The following KCNIP1 variants were observed in gnomAD, a reference collection of about 807,000 sequenced individuals.
KCNIP1 encodes the protein A-type potassium channel modulatory protein KCNIP1.
A neutral mutation model predicts 33.0 loss-of-function variants in KCNIP1; 18 were observed. The ratio of observed to expected loss-of-function variants is 0.55; its 90% CI spans 0.38 to 0.81. The LOEUF (loss-of-function observed/expected upper bound fraction) is 0.81, where lower values mean the gene tolerates loss of function less well. KCNIP1 is among the 30% of genes least tolerant of loss of function. The probability of loss-of-function intolerance (pLI) is 0.00; values close to 1 mark genes in which losing one functional copy is unlikely to be tolerated. For missense variants in KCNIP1, 238 were observed against 271.6 expected (o/e 0.88, Z 0.87); for synonymous variants, 93 against 98.3 (o/e 0.95, Z 0.32).
chr5:170,420,803 T>G (rs767560974), intron 1 of KCNIP1, among the ~76,000 whole-genome samples: 136 of 135,824 alleles, frequency 1.0e-3, no homozygotes, highest in Non-Finnish European at 1.9e-3. Flanking sequence ...ATACTGCGTC[T>G]TCTTCTTCTC....
intron 7 of KCNIP1, among the ~76,000 whole-genome samples, chr5:170,734,254 GA>G (rs5873236): frequency 0.75 from 113,745 of 151,760 alleles, 42,723 homozygotes; most frequent in East Asian, 0.86. Context: ...CAGCTGGGGG[GA>G]AAAAAACCTA....
At chr5:170,637,104 T>C (rs537047264) in intron 1 of KCNIP1, among the ~76,000 whole-genome samples, 1 of 152,182 alleles carries the variant, frequency 6.6e-6, no homozygotes, top group East Asian at 1.9e-4. Context: ...ATCAGAAATG[T>C]CATCTTTATG....
intron 1 of KCNIP1, among the ~76,000 whole-genome samples, chr5:170,525,276 G>A (rs1430116396): frequency 2.6e-5 from 4 of 152,178 alleles, no homozygotes; most frequent in African/African-American, 7.2e-5. Flanking sequence ...CCCTACTCCC[G>A]CACTTAGTAG....
chr5:170,722,919 G>T (rs1373388658), intron 5 of KCNIP1, 99 bp downstream of exon 5: 1 of 731,970 alleles, frequency 1.4e-6, no homozygotes, highest in Admixed American at 2.6e-5. Context: ...GTCTGAATGA[G>T]GCAGGCTCTG....
chr5:170,469,101 A>C (rs1040030838), intron 1 of KCNIP1, among the ~76,000 whole-genome samples: 3 of 152,204 alleles, frequency 2.0e-5, no homozygotes, highest in Non-Finnish European at 2.9e-5. Context: ...TTTGTGCTTA[A>C]CAAGATAACT....
At chr5:170,562,390 C>T (rs1334930636) in intron 1 of KCNIP1, among the ~76,000 whole-genome samples, 1 of 152,172 alleles carries the variant, frequency 6.6e-6, no homozygotes, top group African/African-American at 2.4e-5. Flanking sequence ...CTGCAACCAG[C>T]ACGTGAGCTC....
Position 170,490,498 on chromosome 5 carries a change from A to G in KCNIP1, c.88+136534A>G, listed in dbSNP as rs575218543. Among the ~76,000 whole-genome samples the G allele has an allele frequency of 2.0e-4, 30 of 152,280 alleles. No homozygotes were observed. In the South Asian group the frequency reaches 4.6e-3, roughly 23 times the overall value. ...ACACACACCCATAAGAGTGCATATA[A>G]AACTGGTTAGATCCAAGCAAGGTGT... On this transcript the variant is annotated intron_variant, in intron 1 of 7. Coordinates refer to the KCNIP1 transcript ENST00000377360.
chr5:170,547,244 C>T (rs1009649910), intron 1 of KCNIP1, among the ~76,000 whole-genome samples: 1 of 152,214 alleles, frequency 6.6e-6, no homozygotes, highest in Non-Finnish European at 1.5e-5. Flanking sequence ...ATCTTATCAT[C>T]GTCTTCCATT....
chr5:170,485,578 C>A (rs1276036599), intron 1 of KCNIP1, among the ~76,000 whole-genome samples: 1 of 152,190 alleles, frequency 6.6e-6, no homozygotes, highest in Non-Finnish European at 1.5e-5. Flanking sequence ...ATCAAGGGAG[C>A]TAGGGCAGCT....
intron 1 of KCNIP1, among the ~76,000 whole-genome samples, chr5:170,366,485 G>A (rs914367319): frequency 2.0e-5 from 3 of 152,204 alleles, no homozygotes; most frequent in Admixed American, 6.5e-5. Flanking sequence ...CTGTCTCACA[G>A]GGCACATGAG....
chr5:170,662,234 C>T (rs1761527443), intron 1 of KCNIP1, among the ~76,000 whole-genome samples: 1 of 152,158 alleles, frequency 6.6e-6, no homozygotes, highest in African/African-American at 2.4e-5. Context: ...GTAAGCTCAG[C>T]CAGTGCAAAG....
chr5:170,471,516 A>T (rs190070924), intron 1 of KCNIP1, among the ~76,000 whole-genome samples: 74 of 152,240 alleles, frequency 4.9e-4, no homozygotes, highest in Non-Finnish European at 8.7e-4. Context: ...GGGAGGGAGG[A>T]AGACCCAGGA....
intron 1 of KCNIP1, among the ~76,000 whole-genome samples, chr5:170,709,070 G>A (rs1368422060): frequency 6.6e-6 from 1 of 152,102 alleles, no homozygotes; most frequent in Non-Finnish European, 1.5e-5. Context: ...CCCAGGAAAT[G>A]GTCACTTTTG....
chr5:170,442,477 G>C (rs1756015687), intron 1 of KCNIP1, among the ~76,000 whole-genome samples: 1 of 152,162 alleles, frequency 6.6e-6, no homozygotes, highest in South Asian at 2.1e-4. Flanking sequence ...CTGACCCTGG[G>C]CCTTCATGTC....
At chr5:170,628,662 G>A (rs954487704) in intron 1 of KCNIP1, among the ~76,000 whole-genome samples, 10 of 152,148 alleles carry the variant, frequency 6.6e-5, no homozygotes, top group African/African-American at 2.4e-4. Context: ...TGGGGTCTGG[G>A]CTCTGAAGGC....
At chr5:170,560,341 T>A (rs1756991424) in intron 1 of KCNIP1, among the ~76,000 whole-genome samples, 1 of 152,140 alleles carries the variant, frequency 6.6e-6, no homozygotes, top group Non-Finnish European at 1.5e-5. Context: ...ATGCATTGGG[T>A]CAGGTTTCAG....
intron 1 of KCNIP1, among the ~76,000 whole-genome samples, chr5:170,665,485 A>T (rs4868008): frequency 1.1e-4 from 17 of 152,158 alleles, no homozygotes; most frequent in East Asian, 7.7e-4. Context: ...TCTTCATTTT[A>T]GAATAGTTTT....
intron 1 of KCNIP1, among the ~76,000 whole-genome samples, chr5:170,695,942 C>T (rs1762876739): frequency 6.7e-6 from 1 of 150,048 alleles, no homozygotes; most frequent in African/African-American, 2.5e-5. Context: ...TTGTTCGAAC[C>T]AGGGATTCGA....
chr5:170,438,927 C>T (rs776598170), intron 1 of KCNIP1, among the ~76,000 whole-genome samples: 5 of 152,264 alleles, frequency 3.3e-5, no homozygotes, highest in African/African-American at 7.2e-5. Context: ...CCTGTCCATA[C>T]GCCACCCAGA....
Sources: allele counts gnomAD v4.1 joint callset (sites outside exome capture counted in the v4.1 genomes callset), GRCh38; gene constraint gnomAD v4.1.1; transcripts MANE v1.5; gene names NCBI Gene and HGNC (gene_info 2026-07-23, HGNC 2026-07-21).